Variants in AZIN2 observed in about 807,000 individuals in gnomAD.
AZIN2 encodes the protein antizyme inhibitor 2, also known as ODC antizyme inhibitor-2.
In AZIN2, 28 loss-of-function variants were observed where a neutral mutation model predicts 47.8. That is an observed-to-expected ratio of 0.59 (90% confidence interval 0.43 to 0.80). The LOEUF is 0.80. Among genes scored for constraint, AZIN2 ranks in the 30% least tolerant of loss-of-function variants. AZIN2 has a pLI of 0.00. For synonymous variants in AZIN2, 221 were observed against 239.4 expected (o/e 0.92, Z 0.71); for missense variants, 535 against 582.5 (o/e 0.92, Z 0.84).
chr1:33,157,487 C>T, the AZIN2 span, among the ~76,000 whole-genome samples: 1 of 152,156 alleles, frequency 6.6e-6, no homozygotes, highest in East Asian at 1.9e-4. Context: ...TTCCCAGCCC[C>T]CTTCCTTATT....
At chr1:33,114,355 CTTT>C (rs59452990) in intron 10 of AZIN2, among the ~76,000 whole-genome samples, 3 of 115,952 alleles carry the variant, frequency 2.6e-5, no homozygotes, top group Non-Finnish European at 3.4e-5. Context: ...TTTTTCTTTT[CTTT>C]TTTTTTTTTT....
chr1:33,125,931 G>A (rs776894870), downstream of AZIN2, among the ~76,000 whole-genome samples: 11 of 152,146 alleles, frequency 7.2e-5, no homozygotes, highest in Non-Finnish European at 1.3e-4. Flanking sequence ...GGAGGCTGAG[G>A]CAGGAGGATC....
At chr1:33,165,171 G>C in the AZIN2 span, 1 of 266,336 alleles carries the variant, frequency 3.8e-6, no homozygotes, top group Non-Finnish European at 7.2e-6. This position sits in a 1 kb window ranked among gnomAD's most constrained non-coding sequence, Gnocchi z 4.0. Flanking sequence ...GTTTCCGGAG[G>C]GTCCCGGGAC....
At chr1:33,159,038 T>C in the AZIN2 span, among the ~76,000 whole-genome samples, 2 of 150,830 alleles carry the variant, frequency 1.3e-5, no homozygotes, top group African/African-American at 4.9e-5. The surrounding 1 kb of genome is among the most constrained non-coding windows in gnomAD (Gnocchi z 4.2). Context: ...AGAGACGGGG[T>C]TTCACCATGT....
Position 33,087,194 on chromosome 1 carries a change from C to T in AZIN2, c.279+3067C>T, listed in dbSNP as rs185676206. Among the ~76,000 whole-genome samples, 432 of 150,262 alleles carry T rather than the reference C, an allele frequency of 2.9e-3. 15 individuals are homozygous for T. The East Asian group carries it at 0.073, about 25-fold the overall frequency. ...TGTTGCCCAGGCTGGAGTGCAGTGG[C>T]GCAATCTCGGCTCACCGCAACCTCC... On this transcript the variant is annotated intron_variant, in intron 5 of 11. Coordinates refer to ENST00000294517, the MANE Select transcript of AZIN2 (RefSeq NM_052998.4).
chr1:33,101,596 T>C (rs1643702549), intron 10 of AZIN2, among the ~76,000 whole-genome samples: 1 of 152,056 alleles, frequency 6.6e-6, no homozygotes, highest in East Asian at 1.9e-4. Flanking sequence ...TTGTCTTTGT[T>C]TTCCTTTTAG....
chr1:33,159,562 A>G, the AZIN2 span: 1 of 1,357,172 alleles, frequency 7.4e-7, no homozygotes, highest in Non-Finnish European at 9.8e-7. The surrounding 1 kb of genome is among the most constrained non-coding windows in gnomAD (Gnocchi z 4.2). Context: ...TGTCCCGTAA[A>G]TGTTTGATGA....
the AZIN2 span, among the ~76,000 whole-genome samples, chr1:33,138,428 G>A: frequency 1.3e-5 from 2 of 152,178 alleles, no homozygotes; most frequent in Non-Finnish European, 2.9e-5. Context: ...TTAAGAAGCT[G>A]AGTGGAGAGG....
chr1:33,119,825 A>G (rs925114976), intron 11 of AZIN2: 3 of 599,044 alleles, frequency 5.0e-6, no homozygotes, highest in African/African-American at 3.7e-5. Context: ...GGCATGTAGT[A>G]AATGCTCGAT....
chr1:33,141,008 G>T, the AZIN2 span, among the ~76,000 whole-genome samples: 1 of 152,130 alleles, frequency 6.6e-6, no homozygotes, highest in South Asian at 2.1e-4. Context: ...CCCTGACTGT[G>T]CCCTGCAGGC....
the AZIN2 span, among the ~76,000 whole-genome samples, chr1:33,154,962 A>C: frequency 1.3e-5 from 2 of 148,318 alleles, no homozygotes; most frequent in African/African-American, 5.0e-5. Context: ...GCGTCTTGGC[A>C]GGTGCCTGCA....
chr1:33,158,140 C>G, the AZIN2 span: 1 of 919,492 alleles, frequency 1.1e-6, no homozygotes, highest in East Asian at 2.5e-5. Flanking sequence ...AGGTGCTCAG[C>G]AAGGCACTCT....
chr1:33,160,032 A>C, the AZIN2 span: 1 of 1,531,456 alleles, frequency 6.5e-7, no homozygotes, highest in Non-Finnish European at 8.8e-7. Context: ...GCCTTGACAC[A>C]CAGAGAGGAA....
rs1184812388 is a variant in AZIN2 at position 33,081,799 on chromosome 1, C to T, written c.-86C>T. Reference sequence around the variant, plus strand: ...GGCTGAGACGCCTTGATGTGGCCACCGGCTACCCTCTAGGTGGGCGTGGTC... The same window carrying T: ...GGCTGAGACGCCTTGATGTGGCCACTGGCTACCCTCTAGGTGGGCGTGGTC... On this transcript the variant is annotated 5_prime_UTR_variant, in exon 3 of 12. Transcript: ENST00000294517. The surrounding 1 kb of genome is among the most constrained non-coding windows in gnomAD (Gnocchi z 4.2). The T allele has an allele frequency of 1.2e-5, 3 of 252,152 alleles. No individual in the cohort carries two copies. Among genetic ancestry groups the T allele is most frequent in the Non-Finnish European group, 2.3e-5 (3 of 127,710 alleles). 15.6% of individuals were successfully genotyped at this position (252,152 alleles called of 1,614,324 possible).
chr1:33,155,333 AG>A, the AZIN2 span, among the ~76,000 whole-genome samples: 1 of 151,894 alleles, frequency 6.6e-6, no homozygotes, highest in Non-Finnish European at 1.5e-5. Context: ...TGCCTCCCAA[AG>A]TGCTGGAATT....
intron 5 of AZIN2, 93 bp from the exon 6 acceptor site, chr1:33,091,957 A>T (rs1320158498): frequency 9.4e-6 from 13 of 1,379,844 alleles, no homozygotes; most frequent in Non-Finnish European, 1.3e-5. Context: ...CTCCCTATGC[A>T]TAGCTATGAC....
chr1:33,098,853 T>A (rs1483623174), intron 10 of AZIN2, among the ~76,000 whole-genome samples: 1 of 149,996 alleles, frequency 6.7e-6, no homozygotes, highest in Admixed American at 6.6e-5. Flanking sequence ...AACCTCCACC[T>A]CCTGAGTTCA....
chr1:33,159,718 A>G, the AZIN2 span: 1 of 1,610,970 alleles, frequency 6.2e-7, no homozygotes, highest in Non-Finnish European at 8.5e-7. This position sits in a 1 kb window ranked among gnomAD's most constrained non-coding sequence, Gnocchi z 4.2. Context: ...CCCAGCCAGG[A>G]AGGTGTGCCG....
the AZIN2 span, among the ~76,000 whole-genome samples, chr1:33,129,142 G>T: frequency 1.3e-5 from 2 of 152,190 alleles, no homozygotes; most frequent in South Asian, 4.1e-4. The surrounding 1 kb of genome is among the most constrained non-coding windows in gnomAD (Gnocchi z 4.1). Context: ...CGGAGTATAG[G>T]ATGGAAGGTA....
Sources: allele counts gnomAD v4.1 joint callset (sites outside exome capture counted in the v4.1 genomes callset), GRCh38; gene constraint gnomAD v4.1.1; non-coding constraint Gnocchi (gnomAD v3.1); transcripts MANE v1.5; gene names NCBI Gene and HGNC (gene_info 2026-07-23, HGNC 2026-07-21).